The following AGPAT5 variants were observed in gnomAD, a reference collection of about 807,000 sequenced individuals.
AGPAT5 encodes the protein 1-acyl-sn-glycerol-3-phosphate acyltransferase epsilon.
In AGPAT5, 46 loss-of-function variants were observed where a neutral mutation model predicts 45.6. That is an observed-to-expected ratio of 1.01 (90% CI 0.80 to 1.29). The LOEUF (loss-of-function observed/expected upper bound fraction) is 1.29, where lower values mean the gene tolerates loss of function less well. Among genes scored for constraint, AGPAT5 ranks in the 50% most tolerant of loss-of-function variants. The probability of loss-of-function intolerance (pLI) is 0.00; values close to 1 mark genes in which losing one functional copy is unlikely to be tolerated. For synonymous variants in AGPAT5, 272 were observed against 167.0 expected, an observed-to-expected ratio of 1.63 and a Z score of -4.85; for missense variants, 673 against 450.7, an observed-to-expected ratio of 1.49 and a Z score of -4.47.
chr8:6,716,098 C>CATGT (rs1800320234), intron 1 of AGPAT5, among the ~76,000 whole-genome samples: 1 of 152,158 alleles, frequency 6.6e-6, no homozygotes, highest in African/African-American at 2.4e-5. Flanking sequence ...CATGATGTTA[C>CATGT]CCCATCTCAT....
chr8:6,723,513 G>A (rs781758929), intron 1 of AGPAT5, among the ~76,000 whole-genome samples: 4 of 145,778 alleles, frequency 2.7e-5, no homozygotes, highest in African/African-American at 9.9e-5. Flanking sequence ...GGGCCACTAT[G>A]CCTGGGCTGT....
At position 6,710,614 on chromosome 8, in the gene AGPAT5, C is replaced by T. The variant is rs540144897; in HGVS notation, c.219+1727C>T. Among the ~76,000 whole-genome samples, 5 of 152,202 alleles carry T rather than the reference C, an allele frequency of 3.3e-5. No individual in the cohort carries two copies. The East Asian group carries it at 9.6e-4, about 29-fold the overall frequency. The stretch of plus-strand genomic sequence containing the variant: ...TTTTATTTTTATTGTATGGAGGGGA[C>T]AAATAATTATTTTCTGTTTAGTAAC... On this transcript the variant is annotated intron_variant, in intron 1 of 7. Coordinates refer to ENST00000285518, the MANE Select transcript of AGPAT5 (RefSeq NM_018361.5).
At chr8:6,727,836 G>A (rs551809327) in intron 2 of AGPAT5, among the ~76,000 whole-genome samples, 17 of 152,332 alleles carry the variant, frequency 1.1e-4, no homozygotes, top group African/African-American at 4.1e-4. Context: ...TTGCAGAAAT[G>A]CTGTTCTGCA....
chr8:6,725,055 A>C (rs1245563816), intron 2 of AGPAT5, 116 bp downstream of exon 2: 1 of 340,540 alleles, frequency 2.9e-6, no homozygotes, highest in Admixed American at 5.1e-5. Flanking sequence ...TTTTCTGTGC[A>C]GATATTACAC....
chr8:6,718,195 A>G (rs1800394312), intron 1 of AGPAT5, among the ~76,000 whole-genome samples: 1 of 152,220 alleles, frequency 6.6e-6, no homozygotes, highest in Non-Finnish European at 1.5e-5. Flanking sequence ...GCAGTACCAA[A>G]AGACACATGC....
At chr8:6,728,867 T>G (rs1235519614) in intron 2 of AGPAT5, among the ~76,000 whole-genome samples, 13 of 152,176 alleles carry the variant, frequency 8.5e-5, no homozygotes, top group Admixed American at 8.5e-4. Context: ...TCCATCTAAA[T>G]TAGAAGGGGC....
At chr8:6,756,655 A>G (rs1448862163) in intron 7 of AGPAT5, among the ~76,000 whole-genome samples, 1 of 150,504 alleles carries the variant, frequency 6.6e-6, no homozygotes, top group South Asian at 2.1e-4. Context: ...CATATGTTAT[A>G]TTCAAATACA....
intron 5 of AGPAT5, among the ~76,000 whole-genome samples, chr8:6,744,246 A>G (rs1051065911): frequency 3.9e-5 from 6 of 152,246 alleles, no homozygotes; most frequent in African/African-American, 9.6e-5. Flanking sequence ...ATTCTTTCTC[A>G]TAATCAAAGA....
At chr8:6,727,826 T>C (rs1274205596) in intron 2 of AGPAT5, among the ~76,000 whole-genome samples, 1 of 152,244 alleles carries the variant, frequency 6.6e-6, no homozygotes, top group Non-Finnish European at 1.5e-5. Flanking sequence ...CTGTTCGGCA[T>C]TGCAGAAATG....
At chr8:6,720,656 AAAATT>A (rs1393933424) in intron 1 of AGPAT5, among the ~76,000 whole-genome samples, 1 of 152,230 alleles carries the variant, frequency 6.6e-6, no homozygotes, top group East Asian at 1.9e-4. Context: ...AACCAAGAGA[AAAATT>A]AGAGAGTCAT....
chr8:6,709,637 T>C (rs1486628573), intron 1 of AGPAT5: 1 of 152,218 alleles, frequency 6.6e-6, no homozygotes, highest in African/African-American at 2.4e-5. Context: ...TTATTCCTAA[T>C]GTCCACCTAG....
intron 1 of AGPAT5, 195 bp downstream of exon 1, chr8:6,709,082 G>C (rs1563277364): frequency 1.5e-6 from 1 of 680,280 alleles, no homozygotes; most frequent in Non-Finnish European, 2.6e-6. Flanking sequence ...AGGAAGCTGT[G>C]GCTGCGTCGT....
rs147468529 is a variant in AGPAT5 at position 6,732,740 on chromosome 8, G to A, written c.495+90G>A. The A allele has an allele frequency of 1.2e-5, 14 of 1,168,524 alleles. No individual in the cohort carries two copies. The African/African-American group carries it at 1.3e-4, about 11-fold the overall frequency. 72.4% of individuals were successfully genotyped at this position (1,168,524 alleles called of 1,614,324 possible). On this transcript the variant is annotated intron_variant, in intron 4 of 7. Transcript: ENST00000285518. The stretch of plus-strand genomic sequence containing the variant: ...AAAATCTAAGAATTGTTTTGACAAT[G>A]TATTTTCCCATGTGTAATTACTAAT...
chr8:6,712,917 C>T (rs1017263643), intron 1 of AGPAT5, among the ~76,000 whole-genome samples: 1 of 151,894 alleles, frequency 6.6e-6, no homozygotes, highest in Non-Finnish European at 1.5e-5. Flanking sequence ...ATTTCTTTTC[C>T]CCCATTCCTA....
chr8:6,709,993 T>G (rs1397827704), intron 1 of AGPAT5, among the ~76,000 whole-genome samples: 2 of 152,252 alleles, frequency 1.3e-5, no homozygotes. Context: ...AGGCTAATTT[T>G]TTCCCTTTAT....
rs774204165 is a variant in AGPAT5, at chr8:6,749,410, A to G, written c.745+1582A>G. On this transcript the variant is annotated intron_variant, in intron 6 of 7. Transcript: ENST00000285518. ...CAGAGTAATTGTAAAGTAGAAAACT[A>G]AGGTGTTTTTCATTTTAGATGTAAA... is the stretch of plus-strand genomic sequence containing the variant. Among the ~76,000 whole-genome samples, 15 of 152,344 alleles carry G rather than the reference A, an allele frequency of 9.8e-5. No homozygotes were observed. The East Asian group carries it at 2.3e-3, about 23-fold the overall frequency.
intron 2 of AGPAT5, among the ~76,000 whole-genome samples, chr8:6,725,266 G>A (rs1055591904): frequency 6.6e-5 from 10 of 152,150 alleles, no homozygotes; most frequent in Admixed American, 6.5e-4. Flanking sequence ...AGCATTGGTG[G>A]GTCGAAGTGT....
At position 6,751,088 on chromosome 8, in the gene AGPAT5, T is replaced by C. The variant is rs140648533; in HGVS notation, c.745+3260T>C. Reference sequence around the variant, plus strand: ...TCAGCCCTGCTTTCAATTGTTTATATGAATTGATGGGTGTTCTGGTCTGGT... The same window carrying C: ...TCAGCCCTGCTTTCAATTGTTTATACGAATTGATGGGTGTTCTGGTCTGGT... On this transcript the variant is annotated intron_variant, in intron 6 of 7. Coordinates refer to ENST00000285518, the MANE Select transcript of AGPAT5 (RefSeq NM_018361.5). Among the ~76,000 whole-genome samples the C allele has an allele frequency of 4.0e-3, 610 of 152,292 alleles. 5 individuals are homozygous for C. Among genetic ancestry groups the C allele is most frequent in the Middle Eastern group, 0.017 (5 of 294 alleles).
chr8:6,748,104 C>G (rs1014545970), intron 6 of AGPAT5, among the ~76,000 whole-genome samples: 1 of 151,966 alleles, frequency 6.6e-6, no homozygotes, highest in Admixed American at 6.6e-5. Flanking sequence ...AAGGAAAGCT[C>G]TGTAAAAGGG....
Sources: allele counts gnomAD v4.1 joint callset (sites outside exome capture counted in the v4.1 genomes callset), GRCh38; gene constraint gnomAD v4.1.1; transcripts MANE v1.5; gene names NCBI Gene and HGNC (gene_info 2026-07-23, HGNC 2026-07-21).